Variants in SLC4A10 observed in about 807,000 individuals in gnomAD.
SLC4A10 encodes the protein solute carrier family 4 member 10.
SLC4A10 carries 42 observed loss-of-function variants against 137.7 expected under a neutral mutation model. The ratio of observed to expected loss-of-function variants is 0.30; its 90% CI spans 0.24 to 0.39. The LOEUF is 0.39. SLC4A10 is among the 10% of genes least tolerant of loss of function. SLC4A10 has a pLI of 1.00. For missense variants in SLC4A10, 925 were observed against 1,355.0 expected (o/e 0.68, Z 4.98); for synonymous variants, 474 against 464.1 (o/e 1.02, Z -0.27).
chr2:161,901,587 G>C (rs941459473), intron 12 of SLC4A10, among the ~76,000 whole-genome samples: 2 of 151,964 alleles, frequency 1.3e-5, no homozygotes, highest in African/African-American at 4.8e-5. Flanking sequence ...GAAACCCTTG[G>C]GTGGGTCTCT....
chr2:161,904,595 T>A (rs1683904099), intron 13 of SLC4A10, among the ~76,000 whole-genome samples, 181 bp from the exon 14 acceptor site: 1 of 152,214 alleles, frequency 6.6e-6, no homozygotes, highest in Non-Finnish European at 1.5e-5. Flanking sequence ...TTTGCTACTA[T>A]GCATTTTCTT....
At chr2:161,708,189 C>A (rs544457128) in intron 1 of SLC4A10, among the ~76,000 whole-genome samples, 1 of 151,562 alleles carries the variant, frequency 6.6e-6, no homozygotes, top group African/African-American at 2.4e-5. Context: ...CCTTTTTAGG[C>A]ACTCATCATT....
intron 1 of SLC4A10, among the ~76,000 whole-genome samples, chr2:161,748,436 T>TTGTG (rs144251917): frequency 0.03 from 4,324 of 142,484 alleles, 82 homozygotes; most frequent in African/African-American, 0.056. Flanking sequence ...CATTTTGAGT[T>TTGTG]TGTGTGTGTG....
chr2:161,664,792 A>G (rs2038860649), intron 1 of SLC4A10, among the ~76,000 whole-genome samples: 1 of 151,646 alleles, frequency 6.6e-6, no homozygotes, highest in Non-Finnish European at 1.5e-5. Context: ...TTTATGGGCA[A>G]AGCTATCTCC....
intron 1 of SLC4A10, among the ~76,000 whole-genome samples, chr2:161,734,810 C>A (rs987354437): frequency 6.6e-6 from 1 of 151,932 alleles, no homozygotes. Context: ...TGCCTCCACC[C>A]GAATCATATC....
intron 10 of SLC4A10, among the ~76,000 whole-genome samples, chr2:161,884,205 A>AT (rs2125985354): frequency 6.6e-6 from 1 of 152,290 alleles, no homozygotes; most frequent in South Asian, 2.1e-4. Context: ...TTTCACATAC[A>AT]TTTGTTTAAT....
chr2:161,686,850 A>AT (rs895820367), intron 1 of SLC4A10, among the ~76,000 whole-genome samples: 20 of 151,230 alleles, frequency 1.3e-4, no homozygotes, highest in South Asian at 4.2e-4. Flanking sequence ...CTGGTTGCCC[A>AT]TTTTTTTGGT....
chr2:161,679,937 T>A (rs2040667486), intron 1 of SLC4A10, among the ~76,000 whole-genome samples: 1 of 152,108 alleles, frequency 6.6e-6, no homozygotes, highest in Non-Finnish European at 1.5e-5. Context: ...CCATGGCCTG[T>A]ATTTCTAACC....
intron 15 of SLC4A10, among the ~76,000 whole-genome samples, chr2:161,939,508 A>G (rs1553634244): frequency 2.0e-5 from 3 of 152,152 alleles, no homozygotes; most frequent in Non-Finnish European, 4.4e-5. Context: ...GCCACAATTA[A>G]CATATGTAGA....
At chr2:161,823,081 A>G (rs1294522902) in intron 3 of SLC4A10, among the ~76,000 whole-genome samples, 1 of 152,200 alleles carries the variant, frequency 6.6e-6, no homozygotes, top group East Asian at 1.9e-4. Flanking sequence ...TTAGGAAAAA[A>G]GTATGTCATG....
At chr2:161,669,405 G>A (rs12692640) in intron 1 of SLC4A10, among the ~76,000 whole-genome samples, 119,833 of 151,778 alleles carry the variant, frequency 0.79, 47,633 homozygotes, top group East Asian at 0.85. Context: ...ATAACACACA[G>A]ACACACACAC....
intron 2 of SLC4A10, among the ~76,000 whole-genome samples, chr2:161,790,464 T>C (rs1322142195): frequency 2.0e-5 from 3 of 152,198 alleles, no homozygotes; most frequent in Non-Finnish European, 2.9e-5. Context: ...GTAGTGTTGA[T>C]ATAGGATCAA....
chr2:161,880,007 A>G (rs1056556039), intron 9 of SLC4A10, among the ~76,000 whole-genome samples: 12 of 152,156 alleles, frequency 7.9e-5, no homozygotes, highest in Admixed American at 2.6e-4. Context: ...AAAAAGATAA[A>G]AAAAAGAAAG....
rs572794309 is a variant in SLC4A10, at chr2:161,740,178, T to C, written c.49-30795T>C. Among the ~76,000 whole-genome samples, 18 of 152,296 alleles carry C rather than the reference T, an allele frequency of 1.2e-4. No homozygotes were observed. In the South Asian group the frequency reaches 3.5e-3, roughly 30 times the overall value. On this transcript the variant is annotated intron_variant, in intron 1 of 26. Coordinates refer to ENST00000446997, the MANE Select transcript of SLC4A10 (RefSeq NM_001178015.2). ...ATCAGTAGCATCCTTCCAAATAATATGTTGTCTGTTCACCTTGGAACTCCT... is the reference window on the plus strand; with the variant it reads ...ATCAGTAGCATCCTTCCAAATAATACGTTGTCTGTTCACCTTGGAACTCCT...
chr2:161,975,904 G>A (rs1699318373), intron 24 of SLC4A10, among the ~76,000 whole-genome samples: 1 of 152,170 alleles, frequency 6.6e-6, no homozygotes, highest in Non-Finnish European at 1.5e-5. Context: ...AGTGGCAGGA[G>A]GTGAAATCAG....
intron 3 of SLC4A10, among the ~76,000 whole-genome samples, chr2:161,834,279 T>C (rs2058623169): frequency 6.6e-6 from 1 of 152,218 alleles, no homozygotes; most frequent in South Asian, 2.1e-4. Flanking sequence ...AAATGTACCA[T>C]TAATGTAGGG....
intron 1 of SLC4A10, among the ~76,000 whole-genome samples, chr2:161,660,588 C>CT (rs71408182): frequency 0.011 from 1,355 of 121,040 alleles, 22 homozygotes; most frequent in Non-Finnish European, 0.019. Context: ...TTCTTTCTTT[C>CT]TTTCTTTCTT....
At chr2:161,835,161 CTGAG>C (rs2058686873) in intron 3 of SLC4A10, among the ~76,000 whole-genome samples, 1 of 151,846 alleles carries the variant, frequency 6.6e-6, no homozygotes, top group Non-Finnish European at 1.5e-5. Flanking sequence ...CCTCAGTCTC[CTGAG>C]TATCTGAGAC....
At chr2:161,971,491 G>A (rs4664442) in intron 23 of SLC4A10, among the ~76,000 whole-genome samples, 57,671 of 152,020 alleles carry the variant, frequency 0.38, 11,550 homozygotes, top group Admixed American at 0.46. Flanking sequence ...CTTTTAATGG[G>A]TCCTATGTAA....
Sources: gnomAD v4.1 joint callset for allele counts (sites outside exome capture counted in the v4.1 genomes callset) on GRCh38, gnomAD v4.1.1 for gene constraint, MANE v1.5 for transcripts, NCBI Gene and HGNC (gene_info 2026-07-23, HGNC 2026-07-21) for gene names.